The following TENT5D variants were observed in gnomAD, a reference collection of about 807,000 sequenced individuals.
The protein encoded by TENT5D is terminal nucleotidyltransferase 5D.
For missense variants in TENT5D, 191 were observed against 287.0 expected (o/e 0.67, Z 2.42); for synonymous variants, 103 against 100.6 (o/e 1.02, Z -0.15).
chrX:80,427,858 G>A lies in TENT5D; in HGVS notation c.-142+7295G>A, dbSNP rs772075937. On this transcript the variant is annotated intron_variant, in intron 1 of 2. Coordinates refer to ENST00000308293, the Ensembl canonical transcript of TENT5D. ...TTTCGGTTTTCTCAAGGAGTCCTGG[G>A]TTACCAGAAGTTATCCTAGGGCCTT... 1.2e-4 allele frequency among the ~76,000 whole-genome samples: 14 copies of A among 112,067 alleles called. No individual in the cohort carries two copies. The South Asian group carries it at 5.2e-3, about 42-fold the overall frequency.
At position 80,351,412 on chromosome X, in the gene TENT5D, G is replaced by T. The variant is rs1355594832; in HGVS notation, c.-142+8848G>T. Among the ~76,000 whole-genome samples the T allele has an allele frequency of 1.4e-4, 15 of 106,321 alleles. No individual in the cohort carries two copies. The Admixed American group carries it at 1.6e-3, about 11-fold the overall frequency. 92.3% of individuals were successfully genotyped at this position (106,321 alleles called of 115,157 possible). ...TTCAGTAAGTTGATCTTCAGTCTCT[G>T]ATATTCTTTCTTCTGCTTGATTGAT... On this transcript the variant is annotated intron_variant, in intron 3 of 4. Coordinates refer to the TENT5D transcript ENST00000538312.
chrX:80,384,611 A>G (rs1163452904), intron 3 of TENT5D, among the ~76,000 whole-genome samples: 5 of 96,962 alleles, frequency 5.2e-5, no homozygotes, highest in African/African-American at 7.6e-5. Context: ...AGGGCATTCA[A>G]TTAGGAAAAG....
At chrX:80,418,220 C>G (rs66965703), upstream of TENT5D, among the ~76,000 whole-genome samples, 12,342 of 109,672 alleles carry the variant, frequency 0.11, 774 homozygotes, top group African/African-American at 0.23. Context: ...GGCAGTCATG[C>G]TTCACTGCAG....
chrX:80,411,182 C>T (rs1372717226), intron 3 of TENT5D, among the ~76,000 whole-genome samples: 3 of 106,981 alleles, frequency 2.8e-5, no homozygotes, highest in Admixed American at 9.9e-5. Flanking sequence ...CAGCATGGCA[C>T]ATGTATACAT....
intron 2 of TENT5D, among the ~76,000 whole-genome samples, chrX:80,337,465 T>C (rs1190706087): frequency 1.8e-5 from 2 of 112,056 alleles, no homozygotes; most frequent in Admixed American, 9.5e-5. Context: ...CAGCATATCC[T>C]TTAGTGATGC....
chrX:80,407,068 G>C (rs1363491508), intron 3 of TENT5D, among the ~76,000 whole-genome samples: 7 of 108,362 alleles, frequency 6.5e-5, no homozygotes, highest in Admixed American at 3.0e-4. Flanking sequence ...TTTGTCACCA[G>C]CAGGCCTGCC....
intron 3 of TENT5D, among the ~76,000 whole-genome samples, chrX:80,378,520 C>T (rs138156100): frequency 9.1e-6 from 1 of 109,978 alleles, no homozygotes; most frequent in African/African-American, 3.3e-5. Context: ...TTGTCAGGAC[C>T]ATTATTAAAT....
At chrX:80,366,564 C>T (rs1569359459) in intron 3 of TENT5D, among the ~76,000 whole-genome samples, 1 of 111,096 alleles carries the variant, frequency 9.0e-6, no homozygotes, top group Non-Finnish European at 1.9e-5. Context: ...AATAGCATAA[C>T]AAATAAGCAG....
chrX:80,431,465 A>G (rs1932088298), intron 1 of TENT5D, among the ~76,000 whole-genome samples: 1 of 111,864 alleles, frequency 8.9e-6, no homozygotes. Flanking sequence ...TTAGGGCTTG[A>G]TAGGCTGTCT....
chrX:80,362,386 A>G (rs1157096667), intron 3 of TENT5D, among the ~76,000 whole-genome samples: 1 of 111,226 alleles, frequency 9.0e-6, no homozygotes, highest in Non-Finnish European at 1.9e-5. Context: ...GATGGCCTCA[A>G]TCTCCTGACC....
chrX:80,349,500 T>C (rs1220190939), intron 3 of TENT5D, among the ~76,000 whole-genome samples: 1 of 111,342 alleles, frequency 9.0e-6, no homozygotes, highest in African/African-American at 3.3e-5. Flanking sequence ...GGATCAATGG[T>C]GTTTCCCCTT....
At chrX:80,349,979 C>T (rs1930143822) in intron 3 of TENT5D, among the ~76,000 whole-genome samples, 2 of 111,429 alleles carry the variant, frequency 1.8e-5, no homozygotes, top group South Asian at 3.8e-4. Flanking sequence ...GTTTCTTAAT[C>T]CTGAGTTCTA....
chrX:80,367,382 T>C (rs1930531803), intron 3 of TENT5D, among the ~76,000 whole-genome samples: 1 of 111,405 alleles, frequency 9.0e-6, no homozygotes, highest in Non-Finnish European at 1.9e-5. Context: ...GGAACATTCG[T>C]ACACTGTGGT....
chrX:80,431,446 AAG>A (rs1419195373), intron 1 of TENT5D, among the ~76,000 whole-genome samples: 1 of 112,005 alleles, frequency 8.9e-6, no homozygotes, highest in Admixed American at 9.5e-5. Context: ...AAAAGTTAGA[AAG>A]AGAGTTTTAG....
At chrX:80,360,229 T>G (rs1930378327) in intron 3 of TENT5D, among the ~76,000 whole-genome samples, 1 of 112,350 alleles carries the variant, frequency 8.9e-6, no homozygotes, top group African/African-American at 3.2e-5. Flanking sequence ...CTAGACAATT[T>G]ATAATTTGTG....
intron 3 of TENT5D, among the ~76,000 whole-genome samples, chrX:80,365,856 C>G (rs1475688768): frequency 9.1e-6 from 1 of 109,406 alleles, no homozygotes; most frequent in Non-Finnish European, 1.9e-5. Flanking sequence ...AAAAAAATGA[C>G]TTAAAAGAGA....
chrX:80,358,324 T>C (rs1322481250), intron 3 of TENT5D, among the ~76,000 whole-genome samples: 1 of 111,528 alleles, frequency 9.0e-6, no homozygotes, highest in East Asian at 2.8e-4. Flanking sequence ...TGGGATCTAA[T>C]TAAACTAAAG....
rs748742915 is a variant in TENT5D, at chrX:80,420,552, T to C, written c.-153T>C. The C allele has an allele frequency of 5.4e-5, 6 of 111,751 alleles. No individual in the cohort carries two copies. In the South Asian group the frequency reaches 1.9e-3, roughly 35 times the overall value. The allele number at this position is 111,751 out of a possible 1,213,427, so 9.2% of individuals were successfully genotyped here. ...CTGTTAAATTCAGCAAAGTCTACTA[T>C]CAGAAGACACGGTGAGCAATCTTGT... On this transcript the variant is annotated 5_prime_UTR_variant, in exon 1 of 3. Transcript: ENST00000308293.
rs1251789858 is a variant in TENT5D, at chrX:80,410,811, A to T, written c.-141-27799A>T. 2.8e-5 allele frequency among the ~76,000 whole-genome samples: 3 copies of T among 108,655 alleles called. No individual in the cohort carries two copies. In the East Asian group the frequency reaches 8.8e-4, roughly 32 times the overall value. 94.4% of individuals were successfully genotyped at this position (108,655 alleles called of 115,157 possible). ...CATGCACACGTATGTTTATTGTGGC[A>T]TTATTCACAATAGCAAAGACTTGGA... is the stretch of plus-strand genomic sequence containing the variant. On this transcript the variant is annotated intron_variant, in intron 3 of 4. Coordinates refer to the TENT5D transcript ENST00000538312.
Sources: gnomAD v4.1 joint callset for allele counts (sites outside exome capture counted in the v4.1 genomes callset) on GRCh38, gnomAD v4.1.1 for gene constraint, MANE v1.5 for transcripts, NCBI Gene and HGNC (gene_info 2026-07-23, HGNC 2026-07-21) for gene names.